Variants in RAD51 observed in about 807,000 individuals in gnomAD.
RAD51 encodes DNA repair protein RAD51 homolog 1.
RAD51 carries 14 observed loss-of-function variants against 41.5 expected under a neutral mutation model. That is an observed-to-expected ratio of 0.34 (90% CI 0.22 to 0.53). The LOEUF (loss-of-function observed/expected upper bound fraction) is 0.53, where lower values mean the gene tolerates loss of function less well. RAD51 is among the 20% of genes least tolerant of loss of function. RAD51 has a pLI of 0.95. For missense variants in RAD51, 234 were observed against 422.0 expected (o/e 0.55, Z 3.90); for synonymous variants, 136 against 148.6 (o/e 0.92, Z 0.62).
At chr15:40,700,948 G>T in intron 2 of RAD51, 116 bp from the exon 3 acceptor site, 36 of 834,928 alleles carry the variant, frequency 4.3e-5, no homozygotes, top group Middle Eastern at 3.1e-4. Flanking sequence ...AGGATTTCAA[G>T]GGACAGTTGT....
At chr15:40,730,514 T>TC (rs1896815161) in intron 9 of RAD51, among the ~76,000 whole-genome samples, 2 of 123,610 alleles carry the variant, frequency 1.6e-5, no homozygotes, top group Non-Finnish European at 3.3e-5. Context: ...TGAAAAAATT[T>TC]TTTTTCTTTT....
chr15:40,728,539 C>T (rs1896705807), intron 6 of RAD51, among the ~76,000 whole-genome samples, 172 bp from the exon 7 acceptor site: 1 of 152,124 alleles, frequency 6.6e-6, no homozygotes, highest in Non-Finnish European at 1.5e-5. Flanking sequence ...CATCTCTCTG[C>T]TTATAGTTTG....
chr15:40,700,976 A>C, intron 2 of RAD51, 88 bp from the exon 3 acceptor site: 2 of 1,429,562 alleles, frequency 1.4e-6, no homozygotes, highest in Non-Finnish European at 1.9e-6. Context: ...GTCTTCAAGC[A>C]CCTCTGTGAA....
At chr15:40,724,931 C>T (rs1345793762) in intron 6 of RAD51, among the ~76,000 whole-genome samples, 9 of 117,366 alleles carry the variant, frequency 7.7e-5, no homozygotes, top group Non-Finnish European at 1.3e-4. Flanking sequence ...CTCGCTCTGT[C>T]GCCCAGGCCG....
chr15:40,695,612 A>G (rs1426304718), intron 1 of RAD51, 187 bp downstream of exon 1: 2 of 152,308 alleles, frequency 1.3e-5, no homozygotes, highest in East Asian at 3.8e-4. Context: ...AGTGGACCTC[A>G]GTCTTTAGAA....
intron 2 of RAD51, 120 bp from the exon 3 acceptor site, chr15:40,700,944 T>C: frequency 2.5e-6 from 3 of 1,176,646 alleles, no homozygotes; most frequent in Non-Finnish European, 1.2e-6. Context: ...CCCAAGGATT[T>C]CAAGGGACAG....
chr15:40,706,114 C>T, intron 3 of RAD51, 63 bp from the exon 4 acceptor site: 2 of 1,194,108 alleles, frequency 1.7e-6, no homozygotes, highest in Non-Finnish European at 2.5e-6. Context: ...TATTTTTTTG[C>T]CATCAAGATC....
rs998090888 is a variant in RAD51 at position 40,695,441 on chromosome 15, G to T, written c.-3+16G>T. The T allele has an allele frequency of 6.6e-6, 1 of 152,410 alleles. No homozygotes were observed. Among genetic ancestry groups the T allele is most frequent in the Non-Finnish European group, 1.5e-5 (1 of 68,228 alleles). The allele number at this position is 152,410 out of a possible 1,614,324, so 9.4% of individuals were successfully genotyped here. A position where few individuals can be genotyped will look rare whatever the true frequency, so the allele number is the denominator to read the frequency against. ...GCGGACCGAGGTGAGTGTGTGAGGC[G>T]CAGGCTGGGCCCTCCAGAGCCGCGG... On this transcript the variant is annotated intron_variant, in intron 1 of 9. Transcript: ENST00000267868.
chr15:40,695,274 T>A lies in RAD51; in HGVS notation c.-154T>A, dbSNP rs1322484983. ...GCGTGCAGCTGGGAACTGCAACTCA[T>A]CTGGGTTGTGCGCAGAAGGCTGGGG... On this transcript the variant is annotated 5_prime_UTR_variant, in exon 1 of 10. Coordinates refer to ENST00000267868, the MANE Select transcript of RAD51 (RefSeq NM_002875.5). The A allele has an allele frequency of 2.0e-5, 3 of 152,250 alleles. No individual in the cohort carries two copies. Among genetic ancestry groups the A allele is most frequent in the Non-Finnish European group, 4.4e-5 (3 of 68,166 alleles). The allele number at this position is 152,250 out of a possible 1,614,324, so 9.4% of individuals were successfully genotyped here. A position where few individuals can be genotyped will look rare whatever the true frequency, so the allele number is the denominator to read the frequency against.
intron 5 of RAD51, among the ~76,000 whole-genome samples, chr15:40,712,476 T>C (rs1488999143): frequency 6.6e-6 from 1 of 152,198 alleles, no homozygotes; most frequent in Non-Finnish European, 1.5e-5. Flanking sequence ...GAGTAGGATA[T>C]AGAAGAGAAA....
At chr15:40,707,235 C>T (rs1567042024) in intron 4 of RAD51, among the ~76,000 whole-genome samples, 1 of 148,872 alleles carries the variant, frequency 6.7e-6, no homozygotes, top group Non-Finnish European at 1.5e-5. Flanking sequence ...GAGCTCAAGC[C>T]ATCCTCCTGC....
chr15:40,722,911 G>A (rs1896354547), intron 6 of RAD51, among the ~76,000 whole-genome samples: 1 of 152,134 alleles, frequency 6.6e-6, no homozygotes, highest in African/African-American at 2.4e-5. Context: ...TGAAGCAAGT[G>A]AAAAGATAAC....
chr15:40,695,324 A>T lies in RAD51; in HGVS notation c.-104A>T, dbSNP rs1894543775. Reference sequence around the variant, plus strand: ...GCAAGCGAGTAGAGAAGTGGAGCGTAAGCCAGGGGCGTTGGGGGCCGTGCG... The same window carrying T: ...GCAAGCGAGTAGAGAAGTGGAGCGTTAGCCAGGGGCGTTGGGGGCCGTGCG... On this transcript the variant is annotated 5_prime_UTR_variant, in exon 1 of 10. Coordinates refer to ENST00000267868, the MANE Select transcript of RAD51 (RefSeq NM_002875.5). 2.0e-5 allele frequency: 3 copies of T among 152,606 alleles called. No homozygotes were observed. The allele number at this position is 152,606 out of a possible 1,614,324, so 9.5% of individuals were successfully genotyped here.
chr15:40,728,850 A>C, intron 7 of RAD51, 26 bp downstream of exon 7: 2 of 1,562,610 alleles, frequency 1.3e-6, no homozygotes, highest in Non-Finnish European at 1.8e-6. Context: ...AAGACACCAA[A>C]TATGTTCTTA....
At chr15:40,709,798 G>A (rs1595992580) in intron 5 of RAD51, among the ~76,000 whole-genome samples, 1 of 152,146 alleles carries the variant, frequency 6.6e-6, no homozygotes, top group East Asian at 1.9e-4. Flanking sequence ...TATCTTCTCA[G>A]TGTCTGTACC....
At chr15:40,709,139 A>C in intron 5 of RAD51, 23 bp downstream of exon 5, 2 of 1,574,868 alleles carry the variant, frequency 1.3e-6, no homozygotes, top group Non-Finnish European at 1.7e-6. Context: ...GGCTATAGCT[A>C]ATCAAATAAG....
At chr15:40,717,878 T>G (rs930946952) in intron 5 of RAD51, among the ~76,000 whole-genome samples, 2 of 152,182 alleles carry the variant, frequency 1.3e-5, no homozygotes, top group African/African-American at 2.4e-5. Context: ...CTAAGGTAAA[T>G]GGTCTTCCAA....
At chr15:40,699,738 GTGGTGTTA>G (rs1349262707) in intron 2 of RAD51, among the ~76,000 whole-genome samples, 1 of 152,224 alleles carries the variant, frequency 6.6e-6, no homozygotes, top group East Asian at 1.9e-4. Context: ...GAAGGGTGTG[GTGGTGTTA>G]TGGTATAAGA....
intron 4 of RAD51, among the ~76,000 whole-genome samples, chr15:40,708,063 G>A (rs1288244334): frequency 2.3e-5 from 3 of 133,300 alleles, no homozygotes; most frequent in Non-Finnish European, 4.6e-5. Context: ...ATGTCACCCC[G>A]GCTGGAGTGC....
Sources: allele counts gnomAD v4.1 joint callset (sites outside exome capture counted in the v4.1 genomes callset), GRCh38; gene constraint gnomAD v4.1.1; transcripts MANE v1.5; gene names NCBI Gene and HGNC (gene_info 2026-07-23, HGNC 2026-07-21).